GDPD4: variants seen among roughly 807,000 people sequenced by gnomAD.
The protein encoded by GDPD4 is glycerophosphodiester phosphodiesterase domain containing 4.
In GDPD4, 60 loss-of-function variants were observed where a neutral mutation model predicts 67.8. The ratio of observed to expected loss-of-function variants is 0.88; its 90% confidence interval spans 0.72 to 1.10. GDPD4 has a LOEUF of 1.10. GDPD4 is among the 50% of genes least tolerant of loss of function. The pLI, the probability that GDPD4 is intolerant of heterozygous loss-of-function variation, is 0.00. For missense variants in GDPD4, 623 were observed against 613.9 expected, an observed-to-expected ratio of 1.01 and a Z score of -0.16; for synonymous variants, 212 against 210.9, an observed-to-expected ratio of 1.00 and a Z score of -0.04.
intron 1 of GDPD4, among the ~76,000 whole-genome samples, chr11:77,292,508 G>A (rs1016218522): frequency 6.6e-6 from 1 of 151,972 alleles, no homozygotes; most frequent in Non-Finnish European, 1.5e-5. Flanking sequence ...AAAGAACAAA[G>A]ATCTCAAAAT....
Position 77,243,082 on chromosome 11 carries a change from A to AG in GDPD4, c.1241+611_1241+612insC, listed in dbSNP as rs535229256. Among the ~76,000 whole-genome samples, 987 of 152,288 alleles carry AG rather than the reference A, an allele frequency of 6.5e-3. 5 individuals carry two copies. The highest frequency in any genetic ancestry group is 9.2e-3 in the Non-Finnish European group (625 of 68,010). On this transcript the variant is annotated intron_variant, in intron 13 of 16. Transcript: ENST00000315938. ...TAACCTTAAATCTAAGACAAAGGGGATATGGATTAAATTAAGCATGTTTAA... is the reference window on the plus strand; with the variant it reads ...TAACCTTAAATCTAAGACAAAGGGGAGTATGGATTAAATTAAGCATGTTTAA...
At chr11:77,294,793 C>T (rs1937893993) in intron 1 of GDPD4, among the ~76,000 whole-genome samples, 1 of 151,984 alleles carries the variant, frequency 6.6e-6, no homozygotes, top group Non-Finnish European at 1.5e-5. Context: ...AAAAGACAGA[C>T]ATAGAGATCA....
rs531353011 is a variant in GDPD4 at position 77,258,268 on chromosome 11, G to A, written c.864+118C>T. 7 of 967,522 alleles carry A rather than the reference G, an allele frequency of 7.2e-6. No individual in the cohort carries two copies. The South Asian group carries it at 1.1e-4, about 15-fold the overall frequency. The allele number at this position is 967,522 out of a possible 1,614,324, so 59.9% of individuals were successfully genotyped here. On this transcript the variant is annotated intron_variant, in intron 11 of 16. Transcript: ENST00000315938. ...AATACTATAGTCCTGCTACCAAACTGGGATGAAATCGTGTGGATACTTGCC... is the reference window on the plus strand; with the variant it reads ...AATACTATAGTCCTGCTACCAAACTAGGATGAAATCGTGTGGATACTTGCC...
chr11:77,240,707 T>C (rs1357242926), intron 13 of GDPD4, among the ~76,000 whole-genome samples: 3 of 151,812 alleles, frequency 2.0e-5, no homozygotes, highest in African/African-American at 7.3e-5. Context: ...ACCTATGAAA[T>C]GGGAGAAAAT....
intron 15 of GDPD4, among the ~76,000 whole-genome samples, chr11:77,228,153 C>G (rs1958378992): frequency 6.6e-6 from 1 of 150,988 alleles, no homozygotes; most frequent in African/African-American, 2.4e-5. Context: ...GGCGGATCAC[C>G]TGAGGCGGGG....
intron 1 of GDPD4, among the ~76,000 whole-genome samples, chr11:77,290,899 G>T (rs367889625): frequency 1.6e-4 from 25 of 152,220 alleles, no homozygotes; most frequent in African/African-American, 5.8e-4. Context: ...AAGATAGAGG[G>T]CACTCTTACA....
chr11:77,268,708 T>A (rs957619906), intron 9 of GDPD4, among the ~76,000 whole-genome samples, 169 bp from the exon 10 acceptor site: 1 of 152,180 alleles, frequency 6.6e-6, no homozygotes, highest in African/African-American at 2.4e-5. Flanking sequence ...GGGACTCTGC[T>A]CATCTGAGAC....
At chr11:77,232,030 C>G (rs1958466206) in intron 14 of GDPD4, among the ~76,000 whole-genome samples, 1 of 152,184 alleles carries the variant, frequency 6.6e-6, no homozygotes, top group Admixed American at 6.5e-5. Context: ...TGACCCTGAA[C>G]AGGTCAGAAG....
At chr11:77,235,771 C>G (rs1394609454) in intron 13 of GDPD4, among the ~76,000 whole-genome samples, 7 of 152,152 alleles carry the variant, frequency 4.6e-5, no homozygotes, top group Admixed American at 2.6e-4. Context: ...CCTGGCAACA[C>G]AGTGAGACCC....
chr11:77,230,311 T>C (rs556220540), intron 14 of GDPD4, among the ~76,000 whole-genome samples: 15 of 152,340 alleles, frequency 9.8e-5, no homozygotes, highest in Non-Finnish European at 1.9e-4. Flanking sequence ...TACTTGTTAT[T>C]GTAATAGTGC....
In GDPD4 at chr11:77,296,943, A is replaced by G. The variant is rs770199933; in HGVS notation, c.-254+4662T>C. Among the ~76,000 whole-genome samples, 159 of 150,976 alleles carry G rather than the reference A, an allele frequency of 1.1e-3. 1 individual carries two copies. The highest frequency in any genetic ancestry group is 1.4e-3 in the Non-Finnish European group (97 of 67,816). Reference sequence around the variant, plus strand: ...GTGGTGTGCGCCTGTAGTCCCAGCTATTCGGGAGGCTGAGGCAGAAGAATC... The same window carrying G: ...GTGGTGTGCGCCTGTAGTCCCAGCTGTTCGGGAGGCTGAGGCAGAAGAATC... On this transcript the variant is annotated intron_variant, in intron 1 of 16. Coordinates refer to ENST00000315938, the MANE Select transcript of GDPD4 (RefSeq NM_182833.3).
chr11:77,266,390 C>T (rs996776441), intron 10 of GDPD4, among the ~76,000 whole-genome samples: 1 of 152,026 alleles, frequency 6.6e-6, no homozygotes, highest in Non-Finnish European at 1.5e-5. Flanking sequence ...ACCTGTACAG[C>T]CAATCATATA....
intron 15 of GDPD4, among the ~76,000 whole-genome samples, chr11:77,228,620 G>A (rs1012419532): frequency 6.6e-6 from 1 of 151,826 alleles, no homozygotes; most frequent in Non-Finnish European, 1.5e-5. Context: ...GGAGGCTGCA[G>A]TGAGCCGAGA....
chr11:77,277,861 T>C (rs2135881005), intron 4 of GDPD4, among the ~76,000 whole-genome samples: 1 of 152,170 alleles, frequency 6.6e-6, no homozygotes, highest in South Asian at 2.1e-4. Flanking sequence ...CTGCTTTCTC[T>C]TGTGGACATT....
intron 16 of GDPD4, among the ~76,000 whole-genome samples, chr11:77,222,884 T>C (rs1364082963): frequency 6.6e-6 from 1 of 152,236 alleles, no homozygotes; most frequent in East Asian, 1.9e-4. Flanking sequence ...AATGTAGATT[T>C]GGTCTTTTCA....
intron 16 of GDPD4, among the ~76,000 whole-genome samples, chr11:77,225,827 G>A (rs562071298): frequency 6.6e-6 from 1 of 152,242 alleles, no homozygotes; most frequent in East Asian, 1.9e-4. Context: ...AGCAAATGAG[G>A]CTCCATTCTC....
At chr11:77,236,726 G>C (rs1295846440) in intron 13 of GDPD4, among the ~76,000 whole-genome samples, 1 of 141,522 alleles carries the variant, frequency 7.1e-6, no homozygotes, top group Non-Finnish European at 1.6e-5. Flanking sequence ...AATACAAGAA[G>C]GAAACACACA....
intron 4 of GDPD4, among the ~76,000 whole-genome samples, chr11:77,277,442 C>G (rs1206330903): frequency 3.6e-5 from 4 of 109,686 alleles, no homozygotes; most frequent in Non-Finnish European, 5.1e-5. Context: ...GCTCTGTCGT[C>G]CAGGCTGGAG....
chr11:77,240,067 C>A (rs748954256), intron 13 of GDPD4, among the ~76,000 whole-genome samples: 13 of 151,762 alleles, frequency 8.6e-5, no homozygotes, highest in Non-Finnish European at 1.6e-4. Context: ...TCAAAATTAC[C>A]CAAAGCAATC....
Sources: gnomAD v4.1 joint callset for allele counts (sites outside exome capture counted in the v4.1 genomes callset) on GRCh38, gnomAD v4.1.1 for gene constraint, MANE v1.5 for transcripts, NCBI Gene and HGNC (gene_info 2026-07-23, HGNC 2026-07-21) for gene names.